PGM5: variants seen among roughly 807,000 people sequenced by gnomAD.
The protein encoded by PGM5 is phosphoglucomutase-like protein 5.
PGM5 carries 23 observed loss-of-function variants against 59.2 expected under a neutral mutation model. That is an observed-to-expected ratio of 0.39 (90% CI 0.28 to 0.55). The LOEUF (loss-of-function observed/expected upper bound fraction) is 0.55, where lower values mean the gene tolerates loss of function less well. PGM5 is among the 20% of genes least tolerant of loss of function. PGM5 has a pLI of 0.66. For synonymous variants in PGM5, 214 were observed against 286.0 expected (o/e 0.75, Z 2.54); for missense variants, 574 against 748.3 (o/e 0.77, Z 2.72).
At chr9:68,423,253 C>T (rs1587804355) in intron 6 of PGM5, among the ~76,000 whole-genome samples, 1 of 152,222 alleles carries the variant, frequency 6.6e-6, no homozygotes, top group Admixed American at 6.5e-5. Context: ...AGTGGGATTG[C>T]TGGATCAAAT....
intron 10 of PGM5, among the ~76,000 whole-genome samples, chr9:68,502,604 AC>A (rs1564023788): frequency 6.6e-6 from 1 of 152,158 alleles, no homozygotes; most frequent in Non-Finnish European, 1.5e-5. Context: ...ATACAGTCAC[AC>A]CCGATCTCAC....
chr9:68,391,939 G>A (rs1470899813), intron 5 of PGM5, among the ~76,000 whole-genome samples: 2 of 152,062 alleles, frequency 1.3e-5, no homozygotes, highest in African/African-American at 2.4e-5. Flanking sequence ...GCATACAAAG[G>A]TTGTTTATTT....
intron 10 of PGM5, among the ~76,000 whole-genome samples, chr9:68,529,206 T>TGTGTGG (rs1388369079): frequency 6.7e-6 from 1 of 149,376 alleles, no homozygotes. Context: ...TGTGTGTGTG[T>TGTGTGG]GTGTGGTGAG....
At chr9:68,459,200 T>C (rs1466335626) in intron 6 of PGM5, among the ~76,000 whole-genome samples, 2 of 152,216 alleles carry the variant, frequency 1.3e-5, no homozygotes, top group African/African-American at 4.8e-5. Flanking sequence ...CTTTTAAATA[T>C]ACTTTTAATT....
intron 6 of PGM5, among the ~76,000 whole-genome samples, chr9:68,414,492 G>T (rs1263332280): frequency 6.6e-6 from 1 of 152,034 alleles, no homozygotes; most frequent in Admixed American, 6.5e-5. Context: ...ATGTGCTCCC[G>T]CTGTCAGTCT....
chr9:68,357,488 GC>G (rs1258712364), intron 1 of PGM5, 100 bp downstream of exon 1: 78 of 1,506,686 alleles, frequency 5.2e-5, no homozygotes, highest in Admixed American at 1.2e-4. Context: ...GGAGGCCCCT[GC>G]CCGGCCCCGG....
intron 8 of PGM5, among the ~76,000 whole-genome samples, chr9:68,481,692 A>T (rs1824198905): frequency 6.6e-6 from 1 of 152,250 alleles, no homozygotes; most frequent in Non-Finnish European, 1.5e-5. Context: ...CCAAGAGCTT[A>T]CATGATAATT....
At chr9:68,454,940 G>A (rs1389354667) in intron 6 of PGM5, among the ~76,000 whole-genome samples, 1 of 152,180 alleles carries the variant, frequency 6.6e-6, no homozygotes, top group East Asian at 1.9e-4. Flanking sequence ...AATTAGTATG[G>A]CATGACCTTT....
chr9:68,505,723 G>C (rs1360681784), intron 10 of PGM5, among the ~76,000 whole-genome samples: 1 of 152,184 alleles, frequency 6.6e-6, no homozygotes, highest in East Asian at 1.9e-4. Flanking sequence ...GTGTTCACCA[G>C]CCTGGAAGCT....
intron 6 of PGM5, among the ~76,000 whole-genome samples, chr9:68,404,744 A>G (rs1554680959): frequency 6.6e-6 from 1 of 151,918 alleles, no homozygotes; most frequent in East Asian, 1.9e-4. Context: ...ATGAGGGAAA[A>G]CTCCTTGTAA....
intron 9 of PGM5, among the ~76,000 whole-genome samples, chr9:68,491,358 T>C (rs959243341): frequency 1.8e-4 from 27 of 152,204 alleles, no homozygotes; most frequent in Admixed American, 5.2e-4. Context: ...GCAGCCCAGG[T>C]GAAACCATTT....
intron 6 of PGM5, among the ~76,000 whole-genome samples, chr9:68,400,954 G>A (rs1156818826): frequency 6.6e-6 from 1 of 152,204 alleles, no homozygotes; most frequent in East Asian, 1.9e-4. Flanking sequence ...GCATTTACAA[G>A]ACGCATAAGG....
intron 6 of PGM5, among the ~76,000 whole-genome samples, chr9:68,434,145 T>C (rs188868459): frequency 8.0e-5 from 12 of 150,040 alleles, no homozygotes; most frequent in African/African-American, 1.5e-4. Flanking sequence ...GGTGAAACCC[T>C]GTCTCTACTA....
chr9:68,378,992 CT>C (rs1821996366), intron 2 of PGM5, among the ~76,000 whole-genome samples: 2 of 152,084 alleles, frequency 1.3e-5, no homozygotes, highest in South Asian at 4.1e-4. Context: ...TTTTGCTTAT[CT>C]TTTTTTCTGA....
chr9:68,367,892 T>C (rs7847727), intron 1 of PGM5, among the ~76,000 whole-genome samples: 46,197 of 149,732 alleles, frequency 0.31, 7,379 homozygotes, highest in Admixed American at 0.36. Context: ...GGCTGAGGGG[T>C]TTTTTTGTTC....
At chr9:68,380,571 A>C (rs1172814694) in intron 2 of PGM5, among the ~76,000 whole-genome samples, 2 of 151,902 alleles carry the variant, frequency 1.3e-5, no homozygotes, top group East Asian at 3.8e-4. Flanking sequence ...CAAAGTGAGC[A>C]AAAGGAAGGA....
At chr9:68,401,253 T>C (rs1313653835) in intron 6 of PGM5, among the ~76,000 whole-genome samples, 1 of 151,904 alleles carries the variant, frequency 6.6e-6, no homozygotes. Context: ...GTTTCTGCTA[T>C]CTGAGTTAGT....
rs1243727961 is a variant in PGM5, at chr9:68,482,856, C to T, written c.1296-1009C>T. On this transcript the variant is annotated intron_variant, in intron 8 of 10. Coordinates refer to ENST00000396396, the MANE Select transcript of PGM5 (RefSeq NM_021965.4). ...TGTGCCAACTCTTGGTATACATCAT[C>T]ATATTTTAAACCCCACAATGACAAA... Among the ~76,000 whole-genome samples, 2 of 152,340 alleles carry T rather than the reference C, an allele frequency of 1.3e-5. 1 individual carries two copies. Among genetic ancestry groups the T allele is most frequent in the Admixed American group, 1.3e-4 (2 of 15,308 alleles).
chr9:68,488,575 C>T (rs1399631645), intron 9 of PGM5, among the ~76,000 whole-genome samples: 1 of 152,164 alleles, frequency 6.6e-6, no homozygotes, highest in African/African-American at 2.4e-5. Flanking sequence ...TTCCCAGGGA[C>T]CTCCCTGGCC....
Sources: gnomAD v4.1 joint callset for allele counts (sites outside exome capture counted in the v4.1 genomes callset) on GRCh38, gnomAD v4.1.1 for gene constraint, MANE v1.5 for transcripts, NCBI Gene and HGNC (gene_info 2026-07-23, HGNC 2026-07-21) for gene names.